Variants in CFAP95 observed in about 807,000 individuals in gnomAD.
The protein encoded by CFAP95 is cilia and flagella associated protein 95.
chr9:69,833,411 A>C, the CFAP95 span, among the ~76,000 whole-genome samples: 1 of 152,222 alleles, frequency 6.6e-6, no homozygotes, highest in Non-Finnish European at 1.5e-5. Flanking sequence ...CATGTTGGGC[A>C]GGCTGGTCTC....
chr9:69,872,125 T>G, the CFAP95 span, among the ~76,000 whole-genome samples: 1 of 152,194 alleles, frequency 6.6e-6, no homozygotes, highest in Non-Finnish European at 1.5e-5. Context: ...TAAACTCCTA[T>G]CTGGTCTGTC....
chr9:69,888,364 A>G, the CFAP95 span, among the ~76,000 whole-genome samples: 4 of 152,162 alleles, frequency 2.6e-5, no homozygotes, highest in African/African-American at 9.6e-5. Flanking sequence ...TGTTTAATAT[A>G]CTTAATATAT....
chr9:69,896,632 A>G, the CFAP95 span, among the ~76,000 whole-genome samples: 1 of 152,250 alleles, frequency 6.6e-6, no homozygotes, highest in Admixed American at 6.5e-5. Context: ...TCTTAAATAC[A>G]TAAGAATATA....
At chr9:69,860,599 C>A in the CFAP95 span, among the ~76,000 whole-genome samples, 3 of 81,250 alleles carry the variant, frequency 3.7e-5, no homozygotes, top group African/African-American at 1.4e-4. Context: ...TACTTTATAC[C>A]TTTTCTTTTT....
the CFAP95 span, among the ~76,000 whole-genome samples, chr9:69,825,579 A>G: frequency 1.3e-5 from 2 of 152,206 alleles, no homozygotes; most frequent in African/African-American, 4.8e-5. Flanking sequence ...TGCCTTTTCT[A>G]GGAATTATTT....
the CFAP95 span, among the ~76,000 whole-genome samples, chr9:69,842,397 G>T: frequency 6.6e-6 from 1 of 152,156 alleles, no homozygotes. Context: ...AAGAAATCCA[G>T]AATTGACCAA....
At chr9:69,843,500 TC>T in the CFAP95 span, among the ~76,000 whole-genome samples, 305 of 5,924 alleles carry the variant, frequency 0.051, 59 homozygotes, top group South Asian at 0.14. Context: ...TTCCTCCTCC[TC>T]CCCCCCTCCT....
the CFAP95 span, among the ~76,000 whole-genome samples, chr9:69,876,370 T>G: frequency 6.6e-6 from 1 of 151,846 alleles, no homozygotes; most frequent in Non-Finnish European, 1.5e-5. Context: ...CCATCTCTAC[T>G]AAAAATACAA....
the CFAP95 span, among the ~76,000 whole-genome samples, chr9:69,889,806 T>G: frequency 5.3e-5 from 8 of 152,312 alleles, no homozygotes; most frequent in African/African-American, 1.9e-4. Flanking sequence ...GATGAAATAT[T>G]GTGCAGCCTT....
the CFAP95 span, among the ~76,000 whole-genome samples, chr9:69,830,602 C>T: frequency 1.3e-5 from 2 of 152,270 alleles, no homozygotes; most frequent in Non-Finnish European, 1.5e-5. Flanking sequence ...TTAGATGAAA[C>T]ATATCTTTGC....
the CFAP95 span, among the ~76,000 whole-genome samples, chr9:69,830,556 A>T: frequency 6.6e-6 from 1 of 152,240 alleles, no homozygotes; most frequent in Non-Finnish European, 1.5e-5. Flanking sequence ...TGTATCTTAG[A>T]TGTAATGGGC....
chr9:69,867,942 C>G, the CFAP95 span, among the ~76,000 whole-genome samples: 2 of 152,132 alleles, frequency 1.3e-5, no homozygotes, highest in African/African-American at 4.8e-5. Context: ...GCTAATCATT[C>G]CACAGAATAA....
the CFAP95 span, among the ~76,000 whole-genome samples, chr9:69,895,299 GC>G: frequency 6.7e-6 from 1 of 150,372 alleles, no homozygotes; most frequent in Non-Finnish European, 1.5e-5. Flanking sequence ...TTACTTGCTG[GC>G]CTCCACAATC....
chr9:69,878,134 G>A, the CFAP95 span, among the ~76,000 whole-genome samples: 3 of 152,264 alleles, frequency 2.0e-5, no homozygotes, highest in East Asian at 3.9e-4. Context: ...TGAAACATAG[G>A]AGGGAGTGAT....
chr9:69,871,744 G>A, the CFAP95 span, among the ~76,000 whole-genome samples: 1 of 152,104 alleles, frequency 6.6e-6, no homozygotes, highest in Non-Finnish European at 1.5e-5. Flanking sequence ...ATAAGCATGT[G>A]GATATTTGAG....
At chr9:69,838,024 T>C in the CFAP95 span, among the ~76,000 whole-genome samples, 3 of 152,176 alleles carry the variant, frequency 2.0e-5, no homozygotes, top group Non-Finnish European at 2.9e-5. Context: ...TCAGGTTTGT[T>C]AAAGATCAGA....
the CFAP95 span, among the ~76,000 whole-genome samples, chr9:69,862,983 T>G: frequency 2.0e-5 from 3 of 152,182 alleles, no homozygotes; most frequent in African/African-American, 7.2e-5. Flanking sequence ...TGTGAATAAT[T>G]CCTTCCATGT....
chr9:69,826,720 TA>T, the CFAP95 span, among the ~76,000 whole-genome samples: 3 of 152,164 alleles, frequency 2.0e-5, no homozygotes, highest in African/African-American at 7.2e-5. Context: ...GAAGAGGCTT[TA>T]AAGGGGCTTT....
At chr9:69,897,314 A>G in the CFAP95 span, among the ~76,000 whole-genome samples, 1 of 152,222 alleles carries the variant, frequency 6.6e-6, no homozygotes, top group Admixed American at 6.5e-5. Flanking sequence ...TTGCTGTGCT[A>G]ATGCCAGGTG....
Sources: allele counts gnomAD v4.1 joint callset (sites outside exome capture counted in the v4.1 genomes callset), GRCh38; gene constraint gnomAD v4.1.1; transcripts MANE v1.5; gene names NCBI Gene and HGNC (gene_info 2026-07-23, HGNC 2026-07-21).